RIF1: variants seen among roughly 807,000 people sequenced by gnomAD.
RIF1 encodes the protein telomere-associated protein RIF1.
RIF1 carries 45 observed loss-of-function variants against 247.1 expected under a neutral mutation model. That is an observed-to-expected ratio of 0.18 (90% CI 0.14 to 0.23). The LOEUF is 0.23. Ranked by LOEUF, RIF1 falls within the 10% of genes least tolerant of loss-of-function variation. RIF1 has a pLI of 1.00. For missense variants in RIF1, 2,967 were observed against 2,862.5 expected, an observed-to-expected ratio of 1.04 and a Z score of -0.83; for synonymous variants, 1,087 against 978.8, an observed-to-expected ratio of 1.11 and a Z score of -2.06.
chr2:151,431,779 CTGAA>C (rs10681364), intron 9 of RIF1, among the ~76,000 whole-genome samples: 31,866 of 149,522 alleles, frequency 0.21, 3,825 homozygotes, highest in South Asian at 0.3. Context: ...ACTTCCGTCT[CTGAA>C]TGAATGAATG....
At chr2:151,419,745 A>G (rs1032372670) in intron 6 of RIF1, among the ~76,000 whole-genome samples, 3 of 152,218 alleles carry the variant, frequency 2.0e-5, no homozygotes, top group African/African-American at 7.2e-5. Context: ...AACATGAATA[A>G]TGTATTGCAC....
intron 6 of RIF1, among the ~76,000 whole-genome samples, chr2:151,419,774 A>G (rs1431146585): frequency 6.6e-6 from 1 of 152,218 alleles, no homozygotes; most frequent in African/African-American, 2.4e-5. Context: ...TACAACAGCT[A>G]TGATGTCACT....
At chr2:151,444,578 G>A (rs1440165910) in intron 18 of RIF1, among the ~76,000 whole-genome samples, 2 of 152,190 alleles carry the variant, frequency 1.3e-5, no homozygotes, top group African/African-American at 2.4e-5. Flanking sequence ...GATTACAGGC[G>A]TGAGCCACTG....
intron 8 of RIF1, among the ~76,000 whole-genome samples, chr2:151,424,370 G>A (rs557768715): frequency 6.6e-6 from 1 of 152,270 alleles, no homozygotes; most frequent in South Asian, 2.1e-4. Flanking sequence ...CCAAAGTGGT[G>A]GGATTATAGG....
At chr2:151,499,150 C>CTGAT (rs1221865564) in intron 10 of RIF1, 2 of 483,928 alleles carry the variant, frequency 4.1e-6, no homozygotes, top group East Asian at 7.2e-5. Context: ...ATGGGGAAAA[C>CTGAT]TGATTCATAG....
At position 151,461,307 on chromosome 2, in the gene RIF1, C is replaced by G; in HGVS notation, c.3227+18C>G. The G allele has an allele frequency of 6.2e-7, 1 of 1,607,216 alleles. No homozygotes were observed. Among genetic ancestry groups the G allele is most frequent in the African/African-American group, 1.3e-5 (1 of 74,576 alleles). On this transcript the variant is annotated intron_variant, in intron 27 of 35. Transcript: ENST00000444746. ...ACAAAGCGGTTTGTAGGCCTTTTAT[C>G]TTGAGTTGGGTATTTGGTATTCAGG...
chr2:151,526,947 C>T, the RIF1 span: 21 of 1,601,060 alleles, frequency 1.3e-5, no homozygotes, highest in East Asian at 4.5e-5. Flanking sequence ...TTCCTGAGGG[C>T]GAGCACCGTG....
At chr2:151,495,473 T>C (rs1397137387) in intron 10 of RIF1, 2 of 152,338 alleles carry the variant, frequency 1.3e-5, no homozygotes, top group Admixed American at 6.5e-5. Context: ...TTAGAAGCAC[T>C]GTACTCAAGT....
At chr2:151,419,406 A>G (rs1357958757) in intron 6 of RIF1, among the ~76,000 whole-genome samples, 1 of 151,796 alleles carries the variant, frequency 6.6e-6, no homozygotes, top group African/African-American at 2.4e-5. Context: ...GCTCACTGCA[A>G]CCTCCGCCTC....
intron 10 of RIF1, chr2:151,498,106 C>G (rs1360455619): frequency 6.7e-7 from 1 of 1,487,940 alleles, no homozygotes; most frequent in Non-Finnish European, 9.0e-7. Context: ...TTGACATTAA[C>G]TGTATTATAG....
chr2:151,495,998 G>C (rs187180051), intron 10 of RIF1, among the ~76,000 whole-genome samples: 1 of 152,146 alleles, frequency 6.6e-6, no homozygotes, highest in African/African-American at 2.4e-5. Context: ...AGAGACCTTG[G>C]GGGTAGTGGA....
intron 34 of RIF1, among the ~76,000 whole-genome samples, chr2:151,471,864 G>T (rs182037778): frequency 6.6e-6 from 1 of 151,998 alleles, no homozygotes; most frequent in African/African-American, 2.4e-5. Flanking sequence ...CTCTTTTTTC[G>T]TTGCATATGA....
chr2:151,465,525 G>T lies in RIF1; in HGVS notation c.6005G>T (p.Gly2002Val), dbSNP rs1471225913. 2 of 1,604,200 alleles carry T rather than the reference G, an allele frequency of 1.2e-6. No individual in the cohort carries two copies. The highest frequency in any genetic ancestry group is 1.7e-6 in the Non-Finnish European group (2 of 1,175,546). Residue 2002 changes from glycine to valine, a missense_variant, in exon 30 of 36, where the codon GGA (glycine) becomes GTA (valine). Coordinates refer to ENST00000444746, the MANE Select transcript of RIF1 (RefSeq NM_018151.5). ...EQTAAGELDG[G>V]NDVSDLHSSE... Reference sequence around the variant, plus strand: ...ACAGCAGCTGGGGAACTAGATGGAGGAAATGATGTATCTGATCTACACTCA... The same window carrying T: ...ACAGCAGCTGGGGAACTAGATGGAGTAAATGATGTATCTGATCTACACTCA...
At chr2:151,441,614 A>G (rs1409190179) in intron 15 of RIF1, among the ~76,000 whole-genome samples, 14 of 152,226 alleles carry the variant, frequency 9.2e-5, no homozygotes, top group South Asian at 4.1e-4. Flanking sequence ...GTGTACTTAC[A>G]TATACAGAAA....
intron 10 of RIF1, chr2:151,497,687 G>C (rs1355249771): frequency 6.3e-7 from 1 of 1,583,226 alleles, no homozygotes; most frequent in Non-Finnish European, 8.6e-7. Flanking sequence ...AGGTAAAGGG[G>C]TTCCCTTGCC....
chr2:151,453,466 A>G (rs1003867739), intron 21 of RIF1, among the ~76,000 whole-genome samples: 1 of 151,148 alleles, frequency 6.6e-6, no homozygotes, highest in African/African-American at 2.4e-5. Context: ...AGTCCCAGCT[A>G]CTTGGGAATC....
At chr2:151,454,777 A>G (rs1156441514) in intron 21 of RIF1, 118 bp from the exon 22 acceptor site, 13 of 677,062 alleles carry the variant, frequency 1.9e-5, no homozygotes, top group Non-Finnish European at 2.9e-5. Flanking sequence ...TCAGTCAGCA[A>G]ACGGACATGT....
In RIF1 at chr2:151,456,596, A is replaced by G; in HGVS notation, c.2628A>G (p.Lys876=). The G allele has an allele frequency of 6.5e-7, 1 of 1,527,278 alleles. No homozygotes were observed. The highest frequency in any genetic ancestry group is 9.0e-7 in the Non-Finnish European group (1 of 1,112,444). 94.6% of individuals were successfully genotyped at this position (1,527,278 alleles called of 1,614,324 possible). ...TTCCTAGGCTTGATGAAGTTCCTAAAGTATATAGTTGTCTGAACAACAAGG... is the reference window on the plus strand; with the variant it reads ...TTCCTAGGCTTGATGAAGTTCCTAAGGTATATAGTTGTCTGAACAACAAGG... The part of the protein sequence containing the change: ...YENSKLDEVP[K]VYSCLNNKLE... Residue 876 remains lysine (K), a synonymous_variant, in exon 23 of 36, where the codon AAA becomes AAG. Coordinates refer to ENST00000444746, the MANE Select transcript of RIF1 (RefSeq NM_018151.5).
At chr2:151,504,023 TTC>T (rs1352071190) in intron 12 of RIF1, among the ~76,000 whole-genome samples, 1 of 152,132 alleles carries the variant, frequency 6.6e-6, no homozygotes. Flanking sequence ...AACTAGTGTT[TTC>T]TGAATTGGGA....
Sources: gnomAD v4.1 joint callset for allele counts (sites outside exome capture counted in the v4.1 genomes callset) on GRCh38, gnomAD v4.1.1 for gene constraint, MANE v1.5 for transcripts, NCBI Gene and HGNC (gene_info 2026-07-23, HGNC 2026-07-21) for gene names.